Variants in CHD5 observed in about 807,000 individuals in gnomAD.
CHD5 encodes the protein chromodomain helicase DNA binding protein 5, also known as ATP-dependent chromatin remodeler CHD5.
A neutral mutation model predicts 230.3 loss-of-function variants in CHD5; 69 were observed. The observed-to-expected ratio is 0.30, with a 90% confidence interval of 0.25 to 0.37. CHD5 has a LOEUF of 0.37. Among genes scored for constraint, CHD5 ranks in the 10% least tolerant of loss-of-function variants. The probability of loss-of-function intolerance (pLI) is 1.00; values close to 1 mark genes in which losing one functional copy is unlikely to be tolerated. For synonymous variants in CHD5, 1,064 were observed against 1,065.9 expected (o/e 1.00, Z 0.03); for missense variants, 1,827 against 2,622.8 (o/e 0.70, Z 6.63).
At chr1:6,149,677 G>A (rs375105658) in intron 7 of CHD5, among the ~76,000 whole-genome samples, 44 of 151,740 alleles carry the variant, frequency 2.9e-4, no homozygotes, top group Middle Eastern at 3.4e-3. Context: ...TGGATGGATA[G>A]ACAAATGGAT....
At chr1:6,133,611 G>C (rs1185605685) in intron 20 of CHD5, among the ~76,000 whole-genome samples, 2 of 152,268 alleles carry the variant, frequency 1.3e-5, no homozygotes, top group African/African-American at 4.8e-5. Context: ...AGACTGAGCA[G>C]CTTGAGGACA....
chr1:6,136,505 C>T lies in CHD5; in HGVS notation c.2696+12G>A. On this transcript the variant is annotated intron_variant, in intron 17 of 41. Coordinates refer to ENST00000262450, the MANE Select transcript of CHD5 (RefSeq NM_015557.3). ...CCACCACCACCTCCCTAGCCAGATC[C>T]AGGTGACTCACTTGAACCTCTCTGG... is the stretch of plus-strand genomic sequence containing the variant. The T allele has an allele frequency of 1.9e-6, 3 of 1,613,030 alleles. No homozygotes were observed. Among genetic ancestry groups the T allele is most frequent in the Non-Finnish European group, 2.5e-6 (3 of 1,179,816 alleles).
chr1:6,172,721 A>C (rs563586578), intron 1 of CHD5, among the ~76,000 whole-genome samples: 1 of 152,244 alleles, frequency 6.6e-6, no homozygotes, highest in East Asian at 1.9e-4. Context: ...GAGGTGACTC[A>C]GGCTGGTCTG....
At chr1:6,111,553 G>A (rs1666289948) in intron 36 of CHD5, among the ~76,000 whole-genome samples, 2 of 151,328 alleles carry the variant, frequency 1.3e-5, no homozygotes, top group African/African-American at 4.9e-5. Flanking sequence ...AAAAAAAAGA[G>A]AGAGCAATGT....
chr1:6,110,982 C>T (rs1666278520), intron 36 of CHD5, among the ~76,000 whole-genome samples: 1 of 152,192 alleles, frequency 6.6e-6, no homozygotes. Flanking sequence ...GTAATCCCAG[C>T]ATTTTGGGAG....
rs75863307 is a variant in CHD5, at chr1:6,159,625, C to T, written c.208-110G>A. On this transcript the variant is annotated intron_variant, in intron 2 of 41. Coordinates refer to ENST00000262450, the MANE Select transcript of CHD5 (RefSeq NM_015557.3). ...CTCCTGGCCCACGCTGGGGATCGACCGATCCCCATCACTCCACTCATCATC... is the reference window on the plus strand; with the variant it reads ...CTCCTGGCCCACGCTGGGGATCGACTGATCCCCATCACTCCACTCATCATC... 2.2e-3 allele frequency: 1,769 copies of T among 820,634 alleles called. 16 individuals carry two copies. Among genetic ancestry groups the T allele is most frequent in the African/African-American group, 0.017 (990 of 58,106 alleles). 50.8% of individuals were successfully genotyped at this position (820,634 alleles called of 1,614,324 possible).
intron 1 of CHD5, among the ~76,000 whole-genome samples, chr1:6,176,643 C>A (rs1318408517): frequency 6.6e-6 from 1 of 152,216 alleles, no homozygotes; most frequent in African/African-American, 2.4e-5. Flanking sequence ...GTGCTAACTA[C>A]ACCAGCCACA....
At chr1:6,166,708 GGGGAAGT>G (rs146288311) in intron 2 of CHD5, among the ~76,000 whole-genome samples, 32,466 of 151,724 alleles carry the variant, frequency 0.21, 5,485 homozygotes, top group African/African-American at 0.47. Flanking sequence ...CGAACAAGCC[GGGGAAGT>G]GGAAATGGGG....
intron 30 of CHD5, 113 bp downstream of exon 30, chr1:6,124,404 G>A (rs1159206888): frequency 4.0e-6 from 5 of 1,243,966 alleles, no homozygotes; most frequent in Non-Finnish European, 4.7e-6. Flanking sequence ...CGGACCCTGG[G>A]CAGCTGTGTG....
intron 2 of CHD5, among the ~76,000 whole-genome samples, chr1:6,166,364 G>A (rs902106174): frequency 2.6e-5 from 4 of 151,912 alleles, no homozygotes; most frequent in Non-Finnish European, 5.9e-5. Context: ...AGCACACTCA[G>A]GAAGCTCTCC....
Position 6,102,051 on chromosome 1 carries a change from G to C in CHD5, c.*3423C>G, listed in dbSNP as rs1410166983. The C allele has an allele frequency of 2.5e-6, 1 of 396,702 alleles. No homozygotes were observed. Among genetic ancestry groups the C allele is most frequent in the African/African-American group, 2.3e-5 (1 of 44,402 alleles). The allele number at this position is 396,702 out of a possible 1,614,324, so 24.6% of individuals were successfully genotyped here. A position where few individuals can be genotyped will look rare whatever the true frequency, so the allele number is the denominator to read the frequency against. ...CCTGGGGCTGTGCCTGGGGAAAGGGGTCGGCCCCCTCTTAGCTGGGCCTGG... is the reference window on the plus strand; with the variant it reads ...CCTGGGGCTGTGCCTGGGGAAAGGGCTCGGCCCCCTCTTAGCTGGGCCTGG... On this transcript the variant is annotated 3_prime_UTR_variant, in exon 42 of 42. Transcript: ENST00000262450.
rs1357257193 is a variant in CHD5 at position 6,125,708 on chromosome 1, C to T, written c.4171+58G>A. On this transcript the variant is annotated intron_variant, in intron 27 of 41. Transcript: ENST00000262450. This position sits in a 1 kb window ranked among gnomAD's most constrained non-coding sequence, Gnocchi z 6.7. The stretch of plus-strand genomic sequence containing the variant: ...CCCAGACCAGCCCCGCTCCTGCTGC[C>T]ATCAGCTCCCCTGACATGGCCTCAG... 4 of 1,589,096 alleles carry T rather than the reference C, an allele frequency of 2.5e-6. No homozygotes were observed. Among genetic ancestry groups the T allele is most frequent in the South Asian group, 2.2e-5 (2 of 90,560 alleles).
In CHD5 at chr1:6,154,598, T is replaced by C; in HGVS notation, c.745+62A>G. 3 of 1,474,986 alleles carry C rather than the reference T, an allele frequency of 2.0e-6. No individual in the cohort carries two copies. The highest frequency in any genetic ancestry group is 1.4e-5 in the South Asian group (1 of 73,384). The allele number at this position is 1,474,986 out of a possible 1,614,324, so 91.4% of individuals were successfully genotyped here. A position where few individuals can be genotyped will look rare whatever the true frequency, so the allele number is the denominator to read the frequency against. On this transcript the variant is annotated intron_variant, in intron 5 of 41. Coordinates refer to ENST00000262450, the MANE Select transcript of CHD5 (RefSeq NM_015557.3). This position sits in a 1 kb window ranked among gnomAD's most constrained non-coding sequence, Gnocchi z 7.0. Reference sequence around the variant, plus strand: ...CCCGCGTCTGCCCCGTGGCTTCTCCTATAGGGTCTGAAAGGGACCTCTTCC... The same window carrying C: ...CCCGCGTCTGCCCCGTGGCTTCTCCCATAGGGTCTGAAAGGGACCTCTTCC...
intron 5 of CHD5, among the ~76,000 whole-genome samples, chr1:6,153,648 G>C (rs190267890): frequency 6.6e-6 from 1 of 152,232 alleles, no homozygotes; most frequent in South Asian, 2.1e-4. Context: ...TGGCCAACAC[G>C]GTGAAACCCC....
Position 6,128,315 on chromosome 1 carries a change from C to G in CHD5, c.3731-97G>C. On this transcript the variant is annotated intron_variant, in intron 24 of 41. Transcript: ENST00000262450. The surrounding 1 kb of genome is among the most constrained non-coding windows in gnomAD (Gnocchi z 7.8). ...TCCCAACAATGGCCCTTCCCATCCCCAGCAGGGGCTGCAGCTGAGAGGCAT... is the reference window on the plus strand; with the variant it reads ...TCCCAACAATGGCCCTTCCCATCCCGAGCAGGGGCTGCAGCTGAGAGGCAT... 7.5e-7 allele frequency: 1 copy of G among 1,324,580 alleles called. No individual in the cohort carries two copies. The highest frequency in any genetic ancestry group is 1.1e-6 in the Non-Finnish European group (1 of 946,978). 82.1% of individuals were successfully genotyped at this position (1,324,580 alleles called of 1,614,324 possible). A position where few individuals can be genotyped will look rare whatever the true frequency, so the allele number is the denominator to read the frequency against.
rs571704311 is a variant in CHD5, at chr1:6,167,685, T to C, written c.207+465A>G. On this transcript the variant is annotated intron_variant, in intron 2 of 41. Transcript: ENST00000262450. This position sits in a 1 kb window ranked among gnomAD's most constrained non-coding sequence, Gnocchi z 4.5. ...GCGGAGCATGCGGCAGCCTCGCCCA[T>C]CCAGAACCAGCCGAGAACCAGGGAC... 5.5e-4 allele frequency among the ~76,000 whole-genome samples: 84 copies of C among 152,264 alleles called. No homozygotes were observed. Among genetic ancestry groups the C allele is most frequent in the Non-Finnish European group, 1.1e-3 (74 of 68,010 alleles).
At chr1:6,172,516 C>T (rs1348005610) in intron 1 of CHD5, among the ~76,000 whole-genome samples, 1 of 152,148 alleles carries the variant, frequency 6.6e-6, no homozygotes, top group Non-Finnish European at 1.5e-5. Context: ...TCCCCATCTG[C>T]AGATTGGGAA....
At position 6,106,762 on chromosome 1, in the gene CHD5, C is replaced by G. The variant is rs944088931; in HGVS notation, c.5596G>C (p.Glu1866Gln). The G allele has an allele frequency of 1.9e-6, 3 of 1,610,782 alleles. No homozygotes were observed. The highest frequency in any genetic ancestry group is 2.5e-6 in the Non-Finnish European group (3 of 1,179,474). The change falls in exon 39 of 42, where the codon GAG becomes CAG. Residue 1866 changes from glutamate (E) to glutamine (Q), a missense_variant. Glu to Gln is a conservative substitution (Grantham distance 29). Coordinates refer to ENST00000262450, the MANE Select transcript of CHD5 (RefSeq NM_015557.3). ...VLHKVLNQLE[E>Q]LLSDMKADVT... ...TCGGCCTTCATGTCGCTCAGCAGCT[C>G]CTCCAGCTGGTTCAGGACTGTGGTG...
rs1009227451 is a variant in CHD5, at chr1:6,130,074, C to T, written c.3387+130G>A. 1.2e-5 allele frequency: 13 copies of T among 1,075,420 alleles called. No individual in the cohort carries two copies. Among genetic ancestry groups the T allele is most frequent in the East Asian group, 2.4e-5 (1 of 41,268 alleles). 66.6% of individuals were successfully genotyped at this position (1,075,420 alleles called of 1,614,324 possible). ...AGCCCCTCTTGGGGCCGAGACTCCA[C>T]GGGGGAGGGAGGCCCACAGCACCAG... On this transcript the variant is annotated intron_variant, in intron 22 of 41. Transcript: ENST00000262450. The surrounding 1 kb of genome is among the most constrained non-coding windows in gnomAD (Gnocchi z 4.9).
Sources: gnomAD v4.1 joint callset for allele counts (sites outside exome capture counted in the v4.1 genomes callset) on GRCh38, gnomAD v4.1.1 for gene constraint, Gnocchi (gnomAD v3.1) non-coding constraint, MANE v1.5 for transcripts, NCBI Gene and HGNC (gene_info 2026-07-23, HGNC 2026-07-21) for gene names.